PCSK5: variants seen among roughly 807,000 people sequenced by gnomAD.
The protein encoded by PCSK5 is prohormone convertase 5.
Under a neutral mutation model 233.2 loss-of-function variants are expected in PCSK5, and 129 were observed. That is an observed-to-expected ratio of 0.55 (90% CI 0.48 to 0.64). The LOEUF (loss-of-function observed/expected upper bound fraction) is 0.64, where lower values mean the gene tolerates loss of function less well. Ranked by LOEUF, PCSK5 falls within the 30% of genes least tolerant of loss-of-function variation. The pLI is 0.00. For missense variants in PCSK5, 2,076 were observed against 2,430.1 expected, an observed-to-expected ratio of 0.85 and a Z score of 3.06; for synonymous variants, 825 against 879.2, an observed-to-expected ratio of 0.94 and a Z score of 1.09.
chr9:76,247,977 A>G (rs191068386), intron 24 of PCSK5, among the ~76,000 whole-genome samples: 3,327 of 152,044 alleles, frequency 0.022, 103 homozygotes, highest in South Asian at 0.12. Context: ...GTAGAGATGG[A>G]GTTTCACCAT....
At chr9:76,058,585 A>G (rs1324234203) in intron 5 of PCSK5, among the ~76,000 whole-genome samples, 2 of 152,194 alleles carry the variant, frequency 1.3e-5, no homozygotes, top group East Asian at 3.9e-4. Context: ...TCTTTGGATC[A>G]AGGAGCGTCT....
At chr9:75,974,650 C>T (rs1047689194) in intron 2 of PCSK5, among the ~76,000 whole-genome samples, 2 of 152,094 alleles carry the variant, frequency 1.3e-5, no homozygotes, top group Non-Finnish European at 2.9e-5. Context: ...GGTTACAGTT[C>T]AGGAAAAAGG....
intron 20 of PCSK5, among the ~76,000 whole-genome samples, chr9:76,211,942 C>T (rs1825344676): frequency 6.6e-6 from 1 of 152,168 alleles, no homozygotes; most frequent in Admixed American, 6.5e-5. Flanking sequence ...GCATTCACCC[C>T]CAGCAAGCAC....
intron 5 of PCSK5, among the ~76,000 whole-genome samples, chr9:76,060,143 A>G (rs1304156179): frequency 1.3e-5 from 2 of 152,172 alleles, no homozygotes; most frequent in African/African-American, 4.8e-5. Context: ...AAGAATGTAC[A>G]CTTGACCCTT....
chr9:76,219,342 A>G (rs1477128047), intron 20 of PCSK5, among the ~76,000 whole-genome samples: 1 of 152,174 alleles, frequency 6.6e-6, no homozygotes, highest in Non-Finnish European at 1.5e-5. Context: ...GCCACACTGC[A>G]GCGGTATTTT....
chr9:75,975,140 C>T (rs1314695525), intron 2 of PCSK5, among the ~76,000 whole-genome samples: 1 of 152,026 alleles, frequency 6.6e-6, no homozygotes, highest in Non-Finnish European at 1.5e-5. Context: ...AATGAAAACT[C>T]CTGGTACCCA....
rs762647093 is a variant in PCSK5, at chr9:76,026,991, A to G, written c.586A>G (p.Asn196Asp). Residue 196 changes from asparagine to aspartate, a missense_variant, in exon 5 of 38, where the codon AAT becomes GAT. Transcript: ENST00000674117. ...TCTGGCAAGTTGCGACGTGAATGGGAATGACTTGGACCCAATGCCTCGTTA... is the reference window on the plus strand; with the variant it reads ...TCTGGCAAGTTGCGACGTGAATGGGGATGACTTGGACCCAATGCCTCGTTA... ...DALASCDVNG[N>D]DLDPMPRYDA... 5.6e-6 allele frequency: 9 copies of G among 1,609,314 alleles called. No individual in the cohort carries two copies. Among genetic ancestry groups the G allele is most frequent in the Non-Finnish European group, 7.6e-6 (9 of 1,177,496 alleles).
At chr9:76,316,137 C>T (rs544398689) in intron 30 of PCSK5, among the ~76,000 whole-genome samples, 84 of 152,040 alleles carry the variant, frequency 5.5e-4, no homozygotes, top group Non-Finnish European at 1.8e-4. Flanking sequence ...ATTGAGATTC[C>T]CTGGAGGTGG....
intron 20 of PCSK5, 88 bp downstream of exon 20, chr9:76,189,834 C>T: frequency 1.4e-6 from 1 of 705,454 alleles, no homozygotes; most frequent in Admixed American, 2.5e-5. Context: ...AAAAAAGAAA[C>T]TCACAGCATG....
At chr9:76,072,281 C>CT (rs912193181) in intron 7 of PCSK5, among the ~76,000 whole-genome samples, 1 of 152,100 alleles carries the variant, frequency 6.6e-6, no homozygotes, top group African/African-American at 2.4e-5. Context: ...GGGCATCTCC[C>CT]TTTTTTAATA....
intron 12 of PCSK5, among the ~76,000 whole-genome samples, chr9:76,161,296 G>C (rs927132127): frequency 1.3e-5 from 2 of 152,140 alleles, no homozygotes; most frequent in African/African-American, 4.8e-5. Context: ...TGCAGACAAA[G>C]AGCCCTCAGC....
intron 5 of PCSK5, among the ~76,000 whole-genome samples, chr9:76,037,033 G>A (rs569849728): frequency 6.6e-4 from 101 of 152,296 alleles, no homozygotes; most frequent in African/African-American, 2.2e-3. Flanking sequence ...GTGTAACTTC[G>A]AACAAGTAAC....
chr9:76,072,012 A>T, intron 7 of PCSK5, 114 bp downstream of exon 7: 2 of 965,618 alleles, frequency 2.1e-6, no homozygotes, highest in South Asian at 4.2e-5. Context: ...TCCTAGGCTG[A>T]GCCAGCAGGT....
At chr9:76,248,777 A>T (rs1270587501) in intron 24 of PCSK5, among the ~76,000 whole-genome samples, 1 of 152,048 alleles carries the variant, frequency 6.6e-6, no homozygotes, top group Non-Finnish European at 1.5e-5. Context: ...ATCACCTCAT[A>T]TTCTTTTTGT....
chr9:76,030,515 A>G (rs1020467855), intron 5 of PCSK5, among the ~76,000 whole-genome samples: 5 of 152,208 alleles, frequency 3.3e-5, no homozygotes, highest in African/African-American at 9.6e-5. Flanking sequence ...ATTACTGATG[A>G]CATGTATTGA....
chr9:76,052,570 C>T (rs1180848269), intron 5 of PCSK5, among the ~76,000 whole-genome samples: 2 of 152,158 alleles, frequency 1.3e-5, no homozygotes, highest in African/African-American at 4.8e-5. Flanking sequence ...CCCAATGGGT[C>T]CCTCCCACGA....
At chr9:76,075,108 T>C (rs1830599778) in intron 7 of PCSK5, among the ~76,000 whole-genome samples, 1 of 152,072 alleles carries the variant, frequency 6.6e-6, no homozygotes, top group South Asian at 2.1e-4. Context: ...TAATCCCAAC[T>C]ACTCAAGAGG....
Position 76,316,740 on chromosome 9 carries a change from CA to C in PCSK5, c.3885-4654del, listed in dbSNP as rs58485029. Among the ~76,000 whole-genome samples, 252 of 64,608 alleles carry C rather than the reference CA, an allele frequency of 3.9e-3. 1 individual carries two copies. Among genetic ancestry groups the C allele is most frequent in the African/African-American group, 0.012 (192 of 15,392 alleles). 42.4% of individuals were successfully genotyped at this position (64,608 alleles called of 152,430 possible). On this transcript the variant is annotated intron_variant, in intron 30 of 37. Coordinates refer to ENST00000674117, the MANE Select transcript of PCSK5 (RefSeq NM_001372043.1). The stretch of plus-strand genomic sequence containing the variant: ...GCAACAGAGCCAGACCTTGTCTCAC[CA>C]AAAAAAAAAAAAAAAAAAAAAAAAA...
At chr9:76,154,925 T>C (rs1018297824) in intron 10 of PCSK5, among the ~76,000 whole-genome samples, 1 of 152,214 alleles carries the variant, frequency 6.6e-6, no homozygotes, top group Non-Finnish European at 1.5e-5. Flanking sequence ...TTACCCCTCA[T>C]GATGTTACGG....
Sources: allele counts gnomAD v4.1 joint callset (sites outside exome capture counted in the v4.1 genomes callset), GRCh38; gene constraint gnomAD v4.1.1; transcripts MANE v1.5; gene names NCBI Gene and HGNC (gene_info 2026-07-23, HGNC 2026-07-21).